PRR14L: variants seen among roughly 807,000 people sequenced by gnomAD.
The protein encoded by PRR14L is protein PRR14L.
A neutral mutation model predicts 155.0 loss-of-function variants in PRR14L; 80 were observed. The observed-to-expected ratio is 0.52, with a 90% CI of 0.43 to 0.62. The LOEUF (loss-of-function observed/expected upper bound fraction) is 0.62. Ranked by LOEUF, PRR14L falls within the 20% of genes least tolerant of loss-of-function variation. The pLI is 0.00. For missense variants in PRR14L, 2,469 were observed against 2,548.0 expected, an observed-to-expected ratio of 0.97 and a Z score of 0.67; for synonymous variants, 883 against 916.0, an observed-to-expected ratio of 0.96 and a Z score of 0.65.
rs1337088628 is a variant in PRR14L at position 31,685,613 on chromosome 22, G to A, written c.6370C>T (p.Leu2124=). The part of the protein sequence containing the change: ...AQKAAVQSRE[L]DALLIQKLME... ...AGTTTCTGTATCAAAAGAGCATCCA[G>A]CTCTCGACTCTGCACAGCTGCCTTC... The change falls in exon 9 of 9, where the codon CTG becomes TTG. Residue 2124 remains leucine, a synonymous_variant. Transcript: ENST00000327423. The A allele has an allele frequency of 6.4e-7, 1 of 1,551,798 alleles. No individual in the cohort carries two copies. The highest frequency in any genetic ancestry group is 1.4e-5 in the African/African-American group (1 of 73,008).
chr22:31,701,362 G>A (rs1230980726), intron 7 of PRR14L, among the ~76,000 whole-genome samples: 2 of 152,156 alleles, frequency 1.3e-5, no homozygotes, highest in African/African-American at 4.8e-5. Context: ...GAGTATTTAG[G>A]AGCTTGAGCT....
chr22:31,746,193 G>A (rs2074837045), intron 1 of PRR14L, among the ~76,000 whole-genome samples: 2 of 152,150 alleles, frequency 1.3e-5, no homozygotes. Flanking sequence ...GCCTCCCAGA[G>A]TGAGCTGCTG....
chr22:31,725,876 C>A (rs2074714034), intron 2 of PRR14L, among the ~76,000 whole-genome samples: 1 of 151,952 alleles, frequency 6.6e-6, no homozygotes, highest in African/African-American at 2.4e-5. Context: ...ACCATGTTGG[C>A]CAGGCTGGTC....
At position 31,733,298 on chromosome 22, in the gene PRR14L, G is replaced by GTTTTTTTTT. The variant is rs1162819822; in HGVS notation, c.474+5080_474+5088dup. 1.4e-3 allele frequency among the ~76,000 whole-genome samples: 88 copies of GTTTTTTTTT among 64,070 alleles called. 4 individuals carry two copies. The highest frequency in any genetic ancestry group is 3.4e-3 in the African/African-American group (46 of 13,524). 42.0% of individuals were successfully genotyped at this position (64,070 alleles called of 152,430 possible). ...GTGTGAGCCACCGCGCCTGGCCACTGTTTTTTTTTTTTTTTTTTTTTTTTG... is the reference window on the plus strand; with the variant it reads ...GTGTGAGCCACCGCGCCTGGCCACTGTTTTTTTTTTTTTTTTTTTTTTTTTTTTTTTTTG... On this transcript the variant is annotated intron_variant, in intron 2 of 8. Transcript: ENST00000327423.
intron 2 of PRR14L, among the ~76,000 whole-genome samples, chr22:31,736,188 C>A (rs2074780061): frequency 6.7e-6 from 1 of 149,106 alleles, no homozygotes; most frequent in Non-Finnish European, 1.5e-5. Context: ...CACTGCACTC[C>A]AGCCTGGGCA....
rs184715890 is a variant in PRR14L at position 31,740,867 on chromosome 22, C to T, written c.-51-1956G>A. ...ATTAAATCCAAAAGATTAGGCTGGG[C>T]GCAGTGGCTCACACCTGTAATCCCA... On this transcript the variant is annotated intron_variant, in intron 1 of 8. Transcript: ENST00000327423. 7.2e-5 allele frequency among the ~76,000 whole-genome samples: 11 copies of T among 152,206 alleles called. No homozygotes were observed. In the East Asian group the frequency reaches 7.7e-4, roughly 11 times the overall value.
chr22:31,692,943 TTTTC>T (rs761089813), intron 7 of PRR14L, among the ~76,000 whole-genome samples: 13 of 152,284 alleles, frequency 8.5e-5, no homozygotes, highest in Middle Eastern at 3.4e-3. Context: ...CCTGGTCATC[TTTTC>T]TTTTTTTTAT....
intron 7 of PRR14L, among the ~76,000 whole-genome samples, chr22:31,695,489 T>C (rs952347503): frequency 4.6e-5 from 7 of 152,120 alleles, no homozygotes; most frequent in Admixed American, 3.3e-4. Context: ...CCTCAGTGAC[T>C]TTGCAGCCTT....
At position 31,741,252 on chromosome 22, in the gene PRR14L, C is replaced by CAAA. The variant is rs139593821; in HGVS notation, c.-51-2344_-51-2342dup. ...TGAGTGACAGAGCGAGGCTCTGTCT[C>CAAA]AAAAAAAAAAAAAAAAAAAAAAAAA... On this transcript the variant is annotated intron_variant, in intron 1 of 8. Transcript: ENST00000327423. Among the ~76,000 whole-genome samples, 124 of 25,688 alleles carry CAAA rather than the reference C, an allele frequency of 4.8e-3. 12 individuals are homozygous for CAAA. The highest frequency in any genetic ancestry group is 0.019 in the African/African-American group (114 of 6,132). 16.9% of individuals were successfully genotyped at this position (25,688 alleles called of 152,430 possible).
intron 7 of PRR14L, among the ~76,000 whole-genome samples, chr22:31,691,718 T>C (rs992402450): frequency 6.6e-6 from 1 of 152,200 alleles, no homozygotes; most frequent in African/African-American, 2.4e-5. Context: ...CTTCGTTCCT[T>C]TTCCTGGCTG....
At chr22:31,744,595 T>G (rs1009025853) in intron 1 of PRR14L, among the ~76,000 whole-genome samples, 4 of 152,180 alleles carry the variant, frequency 2.6e-5, no homozygotes, top group Non-Finnish European at 5.9e-5. Context: ...TTAATCCTGT[T>G]GCTTCTCAGA....
rs977589196 is a variant in PRR14L, at chr22:31,716,363, G to A, written c.1476C>T (p.Asp492=). ...HVQGNLTNPE[D]HKETFTNMSH... ...TCATATTAGTAAAAGTTTCTTTATGGTCCTCAGGGTTTGTCAAGTTACCTT... is the reference window on the plus strand; with the variant it reads ...TCATATTAGTAAAAGTTTCTTTATGATCCTCAGGGTTTGTCAAGTTACCTT... Residue 492 remains aspartate, a synonymous_variant, in exon 4 of 9, where the codon GAC becomes GAT. Transcript: ENST00000327423. 1 of 1,550,460 alleles carries A rather than the reference G, an allele frequency of 6.4e-7. No individual in the cohort carries two copies. Among genetic ancestry groups the A allele is most frequent in the Non-Finnish European group, 8.7e-7 (1 of 1,146,612 alleles).
intron 2 of PRR14L, among the ~76,000 whole-genome samples, chr22:31,731,459 T>C (rs1453870981): frequency 1.3e-5 from 2 of 149,774 alleles, no homozygotes; most frequent in Non-Finnish European, 2.9e-5. Flanking sequence ...TCCCAGATAC[T>C]TGGAAGGCTG....
At chr22:31,741,510 A>C (rs1601519091) in intron 1 of PRR14L, among the ~76,000 whole-genome samples, 1 of 152,068 alleles carries the variant, frequency 6.6e-6, no homozygotes, top group African/African-American at 2.4e-5. Context: ...CATTACCAAG[A>C]GATAAACTGT....
chr22:31,715,230 T>C lies in PRR14L; in HGVS notation c.2609A>G (p.Asp870Gly), dbSNP rs118089321. The change falls in exon 4 of 9, where the codon GAT becomes GGT. Residue 870 changes from aspartate (D) to glycine (G), a missense_variant. Around this residue, in one of 2 missense-constraint regions of PRR14L, gnomAD observed 2,363 missense variants for 2,371.6 expected, o/e 1.00. Coordinates refer to ENST00000327423, the MANE Select transcript of PRR14L (RefSeq NM_173566.3). The stretch of plus-strand genomic sequence containing the variant: ...TGCTACCATTTTGTTTCTGATCTTA[T>C]CTCCTGGAAGGCTGCCATTCGTTTC... ...GKETNGSLPG[D>G]KIRNKMVAGL... The C allele has an allele frequency of 5.0e-4, 774 of 1,552,328 alleles. 10 individuals carry two copies. In the East Asian group the frequency reaches 0.017, roughly 35 times the overall value.
intron 3 of PRR14L, among the ~76,000 whole-genome samples, chr22:31,722,498 G>C (rs930331394): frequency 1.3e-5 from 2 of 150,844 alleles, no homozygotes; most frequent in African/African-American, 2.4e-5. Context: ...CTGGAGACAA[G>C]CTTGGTTTCT....
At position 31,716,697 on chromosome 22, in the gene PRR14L, T is replaced by C; in HGVS notation, c.1142A>G (p.Tyr381Cys). 2 of 1,551,678 alleles carry C rather than the reference T, an allele frequency of 1.3e-6. No individual in the cohort carries two copies. The highest frequency in any genetic ancestry group is 1.7e-6 in the Non-Finnish European group (2 of 1,146,988). ...CCCTTGATCATCCCCCCTATAAAAA[T>C]AAGAACTGTCTGTCTTTTCAGCAGA... is the stretch of plus-strand genomic sequence containing the variant. The part of the protein sequence containing the change: ...KRSAEKTDSS[Y>C]FYRGDDQGKN... The change falls in exon 4 of 9, where the codon TAT becomes TGT. Residue 381 changes from tyrosine to cysteine, a missense_variant. This residue lies in a region of PRR14L where 2,363 missense variants were observed against 2,371.6 expected (regional missense o/e 1.00). Coordinates refer to ENST00000327423, the MANE Select transcript of PRR14L (RefSeq NM_173566.3).
chr22:31,735,712 C>T lies in PRR14L; in HGVS notation c.474+2675G>A, dbSNP rs1314085682. On this transcript the variant is annotated intron_variant, in intron 2 of 8. Transcript: ENST00000327423. Reference sequence around the variant, plus strand: ...ACATCAAGAAGTAACACAATAGGAACTCTGGGATCCTTAGCCTTTTACCTA... The same window carrying T: ...ACATCAAGAAGTAACACAATAGGAATTCTGGGATCCTTAGCCTTTTACCTA... 6.6e-5 allele frequency among the ~76,000 whole-genome samples: 10 copies of T among 150,746 alleles called. 1 individual carries two copies. Among genetic ancestry groups the T allele is most frequent in the Admixed American group, 5.9e-4 (9 of 15,142 alleles).
Position 31,712,494 on chromosome 22 carries a change from G to C in PRR14L, c.5345C>G (p.Thr1782Ser). 1.6e-5 allele frequency: 25 copies of C among 1,552,162 alleles called. No individual in the cohort carries two copies. The highest frequency in any genetic ancestry group is 2.1e-5 in the Non-Finnish European group (24 of 1,147,138). The change falls in exon 4 of 9, where the codon ACT becomes AGT. Residue 1782 changes from threonine to serine, a missense_variant. Physicochemically the swap from Thr to Ser is moderately conservative, Grantham distance 58. Transcript: ENST00000327423. The part of the protein sequence containing the change: ...CPGMATFRED[T>S]GVHSQTHTQA... Reference sequence around the variant, plus strand: ...AGTGTGGGTCTGACTATGGACGCCAGTGTCTTCCCTGAATGTTGCCATCCC... The same window carrying C: ...AGTGTGGGTCTGACTATGGACGCCACTGTCTTCCCTGAATGTTGCCATCCC...
Sources: allele counts gnomAD v4.1 joint callset (sites outside exome capture counted in the v4.1 genomes callset), GRCh38; gene constraint gnomAD v4.1.1; regional missense constraint gnomAD v4.1.1; transcripts MANE v1.5; gene names NCBI Gene and HGNC (gene_info 2026-07-23, HGNC 2026-07-21).